Variants in GSE1 observed in about 807,000 individuals in gnomAD.
The protein encoded by GSE1 is genetic suppressor element 1.
In GSE1, 32 loss-of-function variants were observed where a neutral mutation model predicts 112.6. The observed-to-expected ratio is 0.28, with a 90% CI of 0.21 to 0.38. The LOEUF is 0.38. Among genes scored for constraint, GSE1 ranks in the 10% least tolerant of loss-of-function variants. The pLI is 1.00. For missense variants in GSE1, 2,348 were observed against 1,699.2 expected, an observed-to-expected ratio of 1.38 and a Z score of -6.71; for synonymous variants, 1,115 against 735.6, an observed-to-expected ratio of 1.52 and a Z score of -8.35.
At chr16:85,616,408 C>T (rs1054542213) in intron 1 of GSE1, among the ~76,000 whole-genome samples, 1 of 152,214 alleles carries the variant, frequency 6.6e-6, no homozygotes, top group African/African-American at 2.4e-5. Flanking sequence ...GCTAGCAGGG[C>T]CGGTTTTTCC....
intron 6 of GSE1, 48 bp downstream of exon 6, chr16:85,655,965 G>A: frequency 6.8e-7 from 1 of 1,469,836 alleles, no homozygotes. Flanking sequence ...CCTGTCCCTT[G>A]ATGGCAGCTG....
chr16:85,177,164 C>G (rs757729203), intron 1 of GSE1, among the ~76,000 whole-genome samples: 16 of 152,190 alleles, frequency 1.1e-4, no homozygotes, highest in Non-Finnish European at 2.4e-4. Flanking sequence ...ACTCGGCCTC[C>G]CCTGGAAGCA....
intron 1 of GSE1, chr16:85,284,920 T>G (rs1388816198): frequency 1.3e-5 from 2 of 152,176 alleles, no homozygotes; most frequent in Non-Finnish European, 2.9e-5. Context: ...AATTTGAACT[T>G]AAAAATTAAT....
intron 1 of GSE1, among the ~76,000 whole-genome samples, chr16:85,603,257 G>C (rs566649577): frequency 2.7e-4 from 41 of 152,344 alleles, no homozygotes; most frequent in Admixed American, 7.8e-4. Flanking sequence ...GGTCCACAGA[G>C]AGGGCACCGT....
intron 2 of GSE1, among the ~76,000 whole-genome samples, chr16:85,473,858 G>A (rs917459949): frequency 4.6e-5 from 7 of 152,042 alleles, no homozygotes; most frequent in Non-Finnish European, 8.8e-5. Context: ...GGCGCTGCAG[G>A]GGAGCGTCTG....
intron 1 of GSE1, among the ~76,000 whole-genome samples, chr16:85,344,837 G>C (rs34791208): frequency 6.6e-6 from 1 of 152,060 alleles, no homozygotes; most frequent in Non-Finnish European, 1.5e-5. Context: ...GGAGCCGGTG[G>C]TGTAGACAAG....
At chr16:85,299,682 C>T (rs2045465275) in intron 1 of GSE1, among the ~76,000 whole-genome samples, 1 of 152,204 alleles carries the variant, frequency 6.6e-6, no homozygotes, top group African/African-American at 2.4e-5. Context: ...AATCCCAGCA[C>T]TTTGGAAGGT....
At chr16:85,659,871 T>TAGAAGCC (rs1157517674) in intron 8 of GSE1, among the ~76,000 whole-genome samples, 1 of 152,234 alleles carries the variant, frequency 6.6e-6, no homozygotes, top group Non-Finnish European at 1.5e-5. Context: ...TGAAGACACT[T>TAGAAGCC]TGAGGCCTCT....
intron 1 of GSE1, among the ~76,000 whole-genome samples, chr16:85,618,365 G>A (rs917819764): frequency 2.0e-5 from 3 of 152,198 alleles, no homozygotes; most frequent in Non-Finnish European, 4.4e-5. Context: ...ACATGCCCCT[G>A]ACGGGTAAAT....
intron 1 of GSE1, among the ~76,000 whole-genome samples, chr16:85,262,476 A>G (rs1907801701): frequency 6.6e-6 from 1 of 152,188 alleles, no homozygotes; most frequent in South Asian, 2.1e-4. Flanking sequence ...CTGAAGCCGC[A>G]TGCCGGGACT....
intron 1 of GSE1, among the ~76,000 whole-genome samples, chr16:85,352,146 G>C (rs138561707): frequency 6.6e-6 from 1 of 152,144 alleles, no homozygotes; most frequent in Non-Finnish European, 1.5e-5. Flanking sequence ...GGGATGTGGC[G>C]TCTGTCTTCC....
Position 85,431,425 on chromosome 16 carries a change from G to A in GSE1, c.2464+73782G>A, listed in dbSNP as rs577780779. Among the ~76,000 whole-genome samples the A allele has an allele frequency of 4.6e-5, 7 of 152,356 alleles. No individual in the cohort carries two copies. The East Asian group carries it at 5.8e-4, about 13-fold the overall frequency. On this transcript the variant is annotated intron_variant, in intron 2 of 2. Transcript: ENST00000637419. ...ATTTTTAAATGTTGGCAACTAATGC[G>A]AAAATACAATTCTTACGTTACCGCG... is the stretch of plus-strand genomic sequence containing the variant.
At chr16:85,561,048 C>A (rs1319771844) in intron 1 of GSE1, among the ~76,000 whole-genome samples, 1 of 152,092 alleles carries the variant, frequency 6.6e-6, no homozygotes, top group Middle Eastern at 3.4e-3. Context: ...GAGAGGATCA[C>A]CTGGGCCCAG....
intron 1 of GSE1, among the ~76,000 whole-genome samples, chr16:85,565,592 G>C (rs551264762): frequency 6.6e-6 from 1 of 152,326 alleles, no homozygotes; most frequent in East Asian, 1.9e-4. Flanking sequence ...AGAAGGGGAA[G>C]GGTGAGAGAG....
intron 1 of GSE1, among the ~76,000 whole-genome samples, chr16:85,630,313 A>T (rs1360442438): frequency 1.3e-5 from 2 of 152,126 alleles, no homozygotes; most frequent in Admixed American, 1.3e-4. Flanking sequence ...ATTGGTCTCT[A>T]CCTCTTGAAA....
chr16:85,618,055 A>G (rs2048490951), intron 1 of GSE1, among the ~76,000 whole-genome samples: 1 of 152,128 alleles, frequency 6.6e-6, no homozygotes, highest in Non-Finnish European at 1.5e-5. Flanking sequence ...GGGCTTACAA[A>G]TGCAGAGTCC....
intron 2 of GSE1, among the ~76,000 whole-genome samples, chr16:85,531,234 C>T (rs1448801764): frequency 2.6e-5 from 4 of 152,148 alleles, no homozygotes; most frequent in African/African-American, 4.8e-5. Context: ...AGCTCTGAGA[C>T]GGCTGGGGTG....
intron 1 of GSE1, among the ~76,000 whole-genome samples, chr16:85,572,077 C>A (rs1315200039): frequency 6.7e-6 from 1 of 150,030 alleles, no homozygotes; most frequent in African/African-American, 2.5e-5. Context: ...CACAACCACA[C>A]CCCCCCACAC....
At chr16:85,636,721 G>T (rs566941888) in intron 2 of GSE1, among the ~76,000 whole-genome samples, 1 of 152,212 alleles carries the variant, frequency 6.6e-6, no homozygotes, top group Non-Finnish European at 1.5e-5. Flanking sequence ...CGTTAGGACA[G>T]TTCTGAGCTG....
Sources: gnomAD v4.1 joint callset for allele counts (sites outside exome capture counted in the v4.1 genomes callset) on GRCh38, gnomAD v4.1.1 for gene constraint, MANE v1.5 for transcripts, NCBI Gene and HGNC (gene_info 2026-07-23, HGNC 2026-07-21) for gene names.